Variants in IKBKB observed in about 807,000 individuals in gnomAD.
The protein encoded by IKBKB is inhibitor of nuclear factor kappa B kinase subunit beta.
Under a neutral mutation model 113.6 loss-of-function variants are expected in IKBKB, and 42 were observed. The observed-to-expected ratio is 0.37, with a 90% CI of 0.29 to 0.48. IKBKB has a LOEUF of 0.48. IKBKB is among the 20% of genes least tolerant of loss of function. The pLI, the probability that IKBKB is intolerant of heterozygous loss-of-function variation, is 0.99. For missense variants in IKBKB, 673 were observed against 939.7 expected (o/e 0.72, Z 3.71); for synonymous variants, 296 against 361.3 (o/e 0.82, Z 2.05).
At chr8:42,323,615 T>A (rs115121965) in intron 19 of IKBKB, among the ~76,000 whole-genome samples, 30 of 152,136 alleles carry the variant, frequency 2.0e-4, no homozygotes, top group African/African-American at 7.2e-4. Context: ...CAGGAGATGG[T>A]GCATTAGGAG....
chr8:42,305,219 A>G lies in IKBKB; in HGVS notation c.421A>G (p.Ile141Val), dbSNP rs1816267071. Residue 141 changes from isoleucine to valine, a missense_variant, in exon 6 of 22, where the codon ATC becomes GTC. Transcript: ENST00000520810. ...GCTTAGATACCTTCATGAAAACAGA[A>G]TCATCCATCGGGATCTAAAGCCAGA... ...SALRYLHENR[I>V]IHRDLKPENI... 6.2e-7 allele frequency: 1 copy of G among 1,614,052 alleles called. No individual in the cohort carries two copies. The highest frequency in any genetic ancestry group is 8.5e-7 in the Non-Finnish European group (1 of 1,179,906).
At chr8:42,282,057 T>G (rs2130176108) in intron 2 of IKBKB, among the ~76,000 whole-genome samples, 1 of 152,378 alleles carries the variant, frequency 6.6e-6, no homozygotes, top group Non-Finnish European at 1.5e-5. Context: ...ATAAGTTTTA[T>G]GTTTACATGC....
intron 3 of IKBKB, among the ~76,000 whole-genome samples, chr8:42,289,762 C>A (rs539436867): frequency 1.3e-5 from 2 of 152,018 alleles, no homozygotes; most frequent in African/African-American, 4.8e-5. Context: ...ATTAAACAGA[C>A]AAAAGAAAAA....
intron 21 of IKBKB, 25 bp downstream of exon 21, chr8:42,329,239 C>G: frequency 6.5e-7 from 1 of 1,539,156 alleles, no homozygotes; most frequent in South Asian, 1.3e-5. Context: ...GAGACTCCTG[C>G]GATTCCATGT....
intron 5 of IKBKB, among the ~76,000 whole-genome samples, chr8:42,304,796 C>T (rs555928750): frequency 1.4e-4 from 21 of 150,922 alleles, no homozygotes; most frequent in African/African-American, 5.0e-4. Context: ...ACTTTATTGG[C>T]GTCAGCATCA....
intron 8 of IKBKB, among the ~76,000 whole-genome samples, chr8:42,311,363 C>A (rs557195279): frequency 1.3e-3 from 195 of 152,130 alleles, no homozygotes; most frequent in Non-Finnish European, 2.6e-4. Flanking sequence ...GAGTTTGAGG[C>A]CAGCCTGGCC....
chr8:42,279,853 GTTGT>G (rs1422494900), intron 2 of IKBKB, among the ~76,000 whole-genome samples: 2 of 151,974 alleles, frequency 1.3e-5, no homozygotes, highest in Non-Finnish European at 2.9e-5. Context: ...TTGATTTTTT[GTTGT>G]TTGTTTTTTG....
At chr8:42,294,494 A>T (rs1014212466) in intron 5 of IKBKB, among the ~76,000 whole-genome samples, 8 of 152,198 alleles carry the variant, frequency 5.3e-5, no homozygotes, top group Non-Finnish European at 1.0e-4. Flanking sequence ...ATGGTCCAAC[A>T]CTGTCTTGCT....
At position 42,332,339 on chromosome 8, in the gene IKBKB, C is replaced by CT. The variant is rs373244977; in HGVS notation, c.*1361dup. On this transcript the variant is annotated 3_prime_UTR_variant, in exon 22 of 22. Transcript: ENST00000520810. ...ACAGGCTTAACTTTGTGTAAGAACA[C>CT]TGTTTATCAATGTCATTTGGCTATA... The CT allele has an allele frequency of 2.0e-4, 31 of 152,360 alleles. No individual in the cohort carries two copies. The highest frequency in any genetic ancestry group is 7.5e-4 in the African/African-American group (31 of 41,592). 9.4% of individuals were successfully genotyped at this position (152,360 alleles called of 1,614,324 possible).
intron 2 of IKBKB, among the ~76,000 whole-genome samples, chr8:42,273,151 T>C (rs1249769309): frequency 6.6e-6 from 1 of 151,850 alleles, no homozygotes; most frequent in African/African-American, 2.4e-5. Flanking sequence ...GTGCAGTGGC[T>C]TACACCTGTA....
At chr8:42,312,203 A>G (rs958131000) in intron 8 of IKBKB, among the ~76,000 whole-genome samples, 118 of 152,342 alleles carry the variant, frequency 7.7e-4, no homozygotes, top group African/African-American at 2.7e-3. Context: ...TTTTAACTAA[A>G]GGAATTATTG....
intron 3 of IKBKB, among the ~76,000 whole-genome samples, chr8:42,289,107 C>CGGGT (rs920356039): frequency 5.3e-5 from 8 of 152,084 alleles, no homozygotes; most frequent in Non-Finnish European, 1.0e-4. Flanking sequence ...CTCAGCCGCT[C>CGGGT]GGGTGGCTGA....
chr8:42,312,757 T>A (rs1817953605), intron 8 of IKBKB, among the ~76,000 whole-genome samples: 1 of 152,246 alleles, frequency 6.6e-6, no homozygotes. Flanking sequence ...AGCACCAGCC[T>A]CTGCCACGCA....
chr8:42,290,917 C>T (rs890489863), intron 4 of IKBKB, among the ~76,000 whole-genome samples: 1 of 152,198 alleles, frequency 6.6e-6, no homozygotes. Flanking sequence ...CAGTTGGGTG[C>T]CCTCCTCCCC....
At chr8:42,284,308 C>T (rs949471797) in intron 2 of IKBKB, among the ~76,000 whole-genome samples, 4 of 152,122 alleles carry the variant, frequency 2.6e-5, no homozygotes, top group Non-Finnish European at 5.9e-5. Context: ...GATGTCCTGG[C>T]GCAGTGGCTC....
In IKBKB at chr8:42,331,047, C is replaced by T; in HGVS notation, c.*68C>T. On this transcript the variant is annotated 3_prime_UTR_variant, in exon 22 of 22. Transcript: ENST00000520810. ...GGCCTTGTGCAGTGGGGGGACTCGA[C>T]CCCCTGACATGGGGCTGCCTGGAGC... 1 of 1,592,862 alleles carries T rather than the reference C, an allele frequency of 6.3e-7. No individual in the cohort carries two copies. Among genetic ancestry groups the T allele is most frequent in the Non-Finnish European group, 8.5e-7 (1 of 1,169,658 alleles).
intron 2 of IKBKB, among the ~76,000 whole-genome samples, chr8:42,281,569 G>T (rs1810379389): frequency 6.6e-6 from 1 of 152,194 alleles, no homozygotes. Context: ...GGGTGAAGAA[G>T]TCATGGCCCT....
intron 3 of IKBKB, 23 bp from the exon 4 acceptor site, chr8:42,290,133 C>G (rs781217103): frequency 6.4e-7 from 1 of 1,561,342 alleles, no homozygotes; most frequent in Non-Finnish European, 8.8e-7. Flanking sequence ...TGGGTCTGCT[C>G]TCATCGGTTT....
chr8:42,328,440 T>C (rs1310681426), intron 20 of IKBKB, among the ~76,000 whole-genome samples: 1 of 152,088 alleles, frequency 6.6e-6, no homozygotes, highest in African/African-American at 2.4e-5. Flanking sequence ...GATTGTCACA[T>C]TTTGCAGAGT....
Sources: gnomAD v4.1 joint callset for allele counts (sites outside exome capture counted in the v4.1 genomes callset) on GRCh38, gnomAD v4.1.1 for gene constraint, MANE v1.5 for transcripts, NCBI Gene and HGNC (gene_info 2026-07-23, HGNC 2026-07-21) for gene names.